The following ARHGAP23 variants were observed in gnomAD, a reference collection of about 807,000 sequenced individuals.
The protein encoded by ARHGAP23 is Rho GTPase activating protein 23, also known as rho GTPase-activating protein 23.
In ARHGAP23, 34 loss-of-function variants were observed where a neutral mutation model predicts 136.3. The observed-to-expected ratio is 0.25, with a 90% CI of 0.19 to 0.33. The LOEUF is 0.33. Among genes scored for constraint, ARHGAP23 ranks in the 10% least tolerant of loss-of-function variants. The pLI is 1.00. For missense variants in ARHGAP23, 1,808 were observed against 2,139.0 expected, an observed-to-expected ratio of 0.85 and a Z score of 3.05; for synonymous variants, 832 against 920.5, an observed-to-expected ratio of 0.90 and a Z score of 1.74.
chr17:38,467,279 G>T lies in ARHGAP23; in HGVS notation c.1596G>T (p.Lys532Asn). The T allele has an allele frequency of 6.5e-7, 1 of 1,536,570 alleles. No homozygotes were observed. Among genetic ancestry groups the T allele is most frequent in the Non-Finnish European group, 8.8e-7 (1 of 1,140,666 alleles). The change falls in exon 7 of 24, where the codon AAG becomes AAT. Residue 532 changes from lysine (K) to asparagine (N), a missense_variant. Lys to Asn is a moderately conservative substitution (Grantham distance 94). Transcript: ENST00000622683. ...ASGRGERLGR[K>N]VAPLATTEDS... Reference sequence around the variant, plus strand: ...GGCGAGGGGAACGCCTGGGCAGGAAGGTGGCCCCTTTGGCCACCACCGAAG... The same window carrying T: ...GGCGAGGGGAACGCCTGGGCAGGAATGTGGCCCCTTTGGCCACCACCGAAG...
intron 1 of ARHGAP23, among the ~76,000 whole-genome samples, chr17:38,456,977 T>C (rs868275303): frequency 2.6e-5 from 4 of 152,164 alleles, no homozygotes; most frequent in African/African-American, 9.7e-5. Context: ...TGGTGCGCTC[T>C]CAGTTCACTG....
At chr17:38,469,102 G>A (rs1261110655) in intron 7 of ARHGAP23, 42 bp from the exon 8 acceptor site, 8 of 1,513,226 alleles carry the variant, frequency 5.3e-6, no homozygotes, top group Non-Finnish European at 6.2e-6. Context: ...GGCAGGCTCC[G>A]CTGTCTGCTG....
intron 2 of ARHGAP23, among the ~76,000 whole-genome samples, chr17:38,459,550 T>C (rs1409123282): frequency 6.6e-6 from 1 of 152,140 alleles, no homozygotes; most frequent in Non-Finnish European, 1.5e-5. Flanking sequence ...TCCTTCACTC[T>C]TTCCCCAGAA....
intron 11 of ARHGAP23, among the ~76,000 whole-genome samples, chr17:38,475,183 C>G (rs941587227): frequency 3.3e-5 from 5 of 152,236 alleles, no homozygotes; most frequent in Admixed American, 1.3e-4. Flanking sequence ...GTGCTCCCTC[C>G]CAGCCCCAGC....
At chr17:38,448,227 G>A (rs2039076823) in intron 1 of ARHGAP23, among the ~76,000 whole-genome samples, 2 of 152,174 alleles carry the variant, frequency 1.3e-5, no homozygotes, top group Admixed American at 6.5e-5. Context: ...GGCAGTGGGA[G>A]GTGGGGGTGA....
At chr17:38,455,479 C>T (rs895814747) in intron 1 of ARHGAP23, among the ~76,000 whole-genome samples, 1 of 152,166 alleles carries the variant, frequency 6.6e-6, no homozygotes, top group Non-Finnish European at 1.5e-5. Flanking sequence ...ACCCTGGATT[C>T]CATGCAGGCC....
chr17:38,449,444 C>T (rs2039109710), intron 1 of ARHGAP23, among the ~76,000 whole-genome samples: 1 of 152,222 alleles, frequency 6.6e-6, no homozygotes, highest in African/African-American at 2.4e-5. Context: ...TTGGCCGGCT[C>T]ATCAACTTGG....
chr17:38,510,363 T>C lies in ARHGAP23; in HGVS notation c.3867T>C (p.Thr1289=). 8.0e-7 allele frequency: 1 copy of C among 1,246,420 alleles called. No homozygotes were observed. Among genetic ancestry groups the C allele is most frequent in the Non-Finnish European group, 1.0e-6 (1 of 996,982 alleles). The allele number at this position is 1,246,420 out of a possible 1,614,324, so 77.2% of individuals were successfully genotyped here. Residue 1289 remains threonine, a synonymous_variant, in exon 24 of 24, where the codon ACT becomes ACC. Transcript: ENST00000622683. This position sits in a 1 kb window ranked among gnomAD's most constrained non-coding sequence, Gnocchi z 4.6. The part of the protein sequence containing the change: ...RSELSHVETD[T]EGAAGAGPGG... ...AGCTGAGCCACGTGGAGACGGACAC[T>C]GAGGGCGCGGCGGGCGCGGGGCCTG...
At chr17:38,439,172 T>C (rs1032996367) in intron 1 of ARHGAP23, among the ~76,000 whole-genome samples, 1 of 150,984 alleles carries the variant, frequency 6.6e-6, no homozygotes, top group African/African-American at 2.4e-5. Context: ...AGTGAGACTC[T>C]GTCTAAAAAA....
rs944427327 is a variant in ARHGAP23 at position 38,510,486 on chromosome 17, C to A, written c.3990C>A (p.Gly1330=). ...GCCTGGCCCGGGGCCGCCCAGACGG[C>A]GAGGGCGCGGGCCGGGGCGGTCCCC... is the stretch of plus-strand genomic sequence containing the variant. ...RRRLARGRPD[G]EGAGRGGPRA... is the part of the protein sequence containing the mutation. The change falls in exon 24 of 24, where the codon GGC becomes GGA. Residue 1330 remains glycine, a synonymous_variant. Coordinates refer to ENST00000622683, the MANE Select transcript of ARHGAP23 (RefSeq NM_001199417.2). This position sits in a 1 kb window ranked among gnomAD's most constrained non-coding sequence, Gnocchi z 4.6. The A allele has an allele frequency of 3.4e-6, 4 of 1,179,654 alleles. No individual in the cohort carries two copies. The highest frequency in any genetic ancestry group is 4.2e-6 in the Non-Finnish European group (4 of 955,422). The allele number at this position is 1,179,654 out of a possible 1,614,324, so 73.1% of individuals were successfully genotyped here.
intron 1 of ARHGAP23, among the ~76,000 whole-genome samples, chr17:38,433,608 G>A (rs1310980395): frequency 6.6e-6 from 1 of 152,200 alleles, no homozygotes; most frequent in Non-Finnish European, 1.5e-5. Flanking sequence ...CTTGGGATCA[G>A]CACTATATGA....
intron 1 of ARHGAP23, among the ~76,000 whole-genome samples, chr17:38,444,132 G>T (rs1306469493): frequency 6.6e-6 from 1 of 152,118 alleles, no homozygotes; most frequent in African/African-American, 2.4e-5. Flanking sequence ...CCTTCTGCAG[G>T]AGATTCTTCT....
At chr17:38,489,860 T>G in intron 17 of ARHGAP23, 1 of 512,362 alleles carries the variant, frequency 2.0e-6, no homozygotes, top group Non-Finnish European at 3.5e-6. Flanking sequence ...TGGTATTGCC[T>G]CCCAAATGAA....
chr17:38,453,419 G>T (rs534511771), intron 1 of ARHGAP23, among the ~76,000 whole-genome samples: 1 of 94,700 alleles, frequency 1.1e-5, no homozygotes, highest in Non-Finnish European at 2.2e-5. Flanking sequence ...GCGCGTATGC[G>T]TGCGTGTGTG....
intron 1 of ARHGAP23, chr17:38,454,135 G>C (rs2039265654): frequency 6.6e-6 from 1 of 152,068 alleles, no homozygotes; most frequent in Non-Finnish European, 1.5e-5. Flanking sequence ...GCCGCGCCGG[G>C]CCAGGGTGAG....
chr17:38,434,205 G>T (rs1436550597), intron 1 of ARHGAP23, among the ~76,000 whole-genome samples: 1 of 152,128 alleles, frequency 6.6e-6, no homozygotes, highest in Non-Finnish European at 1.5e-5. Context: ...TCCCTGTCCC[G>T]CCAACCCCCC....
At chr17:38,458,290 T>C (rs2039378406) in intron 2 of ARHGAP23, 27 bp downstream of exon 2, 2 of 1,478,264 alleles carry the variant, frequency 1.4e-6, no homozygotes, top group Non-Finnish European at 1.8e-6. Context: ...GCTGCCCTGG[T>C]CTGGGGAAGC....
intron 6 of ARHGAP23, among the ~76,000 whole-genome samples, chr17:38,465,931 G>A (rs1298699481): frequency 4.6e-5 from 7 of 152,136 alleles, no homozygotes; most frequent in Middle Eastern, 3.4e-3. Flanking sequence ...CAGTCTTAGC[G>A]AAATCCCACT....
intron 6 of ARHGAP23, among the ~76,000 whole-genome samples, chr17:38,464,975 C>T (rs1157676494): frequency 3.3e-5 from 5 of 152,268 alleles, no homozygotes; most frequent in African/African-American, 7.2e-5. Flanking sequence ...CTCCTCCTCC[C>T]GCCAGCCAGC....
Sources: gnomAD v4.1 joint callset for allele counts (sites outside exome capture counted in the v4.1 genomes callset) on GRCh38, gnomAD v4.1.1 for gene constraint, Gnocchi (gnomAD v3.1) non-coding constraint, MANE v1.5 for transcripts, NCBI Gene and HGNC (gene_info 2026-07-23, HGNC 2026-07-21) for gene names.